MAGI1: variants seen among roughly 807,000 people sequenced by gnomAD.
The protein encoded by MAGI1 is membrane-associated guanylate kinase, WW and PDZ domain-containing protein 1.
A neutral mutation model predicts 139.9 loss-of-function variants in MAGI1; 58 were observed. The ratio of observed to expected loss-of-function variants is 0.41; its 90% confidence interval spans 0.34 to 0.52. The LOEUF is 0.52. Ranked by LOEUF, MAGI1 falls within the 20% of genes least tolerant of loss-of-function variation. The probability of loss-of-function intolerance (pLI) is 0.12; values close to 1 mark genes in which losing one functional copy is unlikely to be tolerated. For synonymous variants in MAGI1, 812 were observed against 737.9 expected, an observed-to-expected ratio of 1.10 and a Z score of -1.63; for missense variants, 1,874 against 1,901.6, an observed-to-expected ratio of 0.99 and a Z score of 0.27.
chr3:65,610,194 A>G (rs751172988), intron 2 of MAGI1, among the ~76,000 whole-genome samples: 2 of 152,192 alleles, frequency 1.3e-5, no homozygotes, highest in Non-Finnish European at 2.9e-5. Flanking sequence ...GTGGATTGGA[A>G]TGGGGTATCT....
intron 1 of MAGI1, among the ~76,000 whole-genome samples, chr3:65,691,257 C>T (rs1223141463): frequency 9.0e-5 from 13 of 144,624 alleles, no homozygotes; most frequent in African/African-American, 3.1e-4. Flanking sequence ...GAGCCGAGAT[C>T]GCGTCACTGC....
At chr3:65,869,042 C>T (rs995213424) in intron 1 of MAGI1, among the ~76,000 whole-genome samples, 1 of 151,770 alleles carries the variant, frequency 6.6e-6, no homozygotes, top group African/African-American at 2.4e-5. Flanking sequence ...CCGAGGCGGG[C>T]GGATCACGAG....
intron 12 of MAGI1, among the ~76,000 whole-genome samples, chr3:65,403,967 A>T (rs1475612884): frequency 1.3e-5 from 2 of 152,218 alleles, no homozygotes; most frequent in Non-Finnish European, 2.9e-5. Context: ...AGGTAACAAC[A>T]TAGTCTTTAA....
intron 1 of MAGI1, among the ~76,000 whole-genome samples, chr3:65,684,021 T>C (rs1157208419): frequency 6.8e-6 from 1 of 146,902 alleles, no homozygotes; most frequent in African/African-American, 2.5e-5. Flanking sequence ...AAAAAAAAAT[T>C]TAATTATCCA....
At chr3:65,747,645 A>G (rs1253308387) in intron 1 of MAGI1, among the ~76,000 whole-genome samples, 1 of 152,162 alleles carries the variant, frequency 6.6e-6, no homozygotes, top group Non-Finnish European at 1.5e-5. Context: ...TGTGGACTTC[A>G]GTTAAGTGAT....
At position 65,493,584 on chromosome 3, in the gene MAGI1, T is replaced by C. The variant is rs2107670706; in HGVS notation, c.478A>G (p.Asn160Asp). The change falls in exon 3 of 23, where the codon AAC becomes GAC. Residue 160 changes from asparagine to aspartate, a missense_variant. By Grantham distance (23) the Asn-to-Asp change is conservative. Around this residue, in one of 5 missense-constraint regions of MAGI1, gnomAD observed 648 missense variants for 598.1 expected, o/e 1.08. Transcript: ENST00000402939. ...AAGAACTCCTTCACAGTCAGAAAGT[T>C]ATAGTCCACGCCAGGCACTTCTCCT... The part of the protein sequence containing the change: ...REGEVPGVDY[N>D]FLTVKEFLDL... 6.2e-7 allele frequency: 1 copy of C among 1,614,160 alleles called. No individual in the cohort carries two copies. The highest frequency in any genetic ancestry group is 8.5e-7 in the Non-Finnish European group (1 of 1,180,024).
At chr3:65,971,691 A>G (rs1018422393) in intron 1 of MAGI1, among the ~76,000 whole-genome samples, 1 of 152,224 alleles carries the variant, frequency 6.6e-6, no homozygotes, top group Admixed American at 6.5e-5. Context: ...ACTCGGGCAC[A>G]TCATCACTTC....
intron 1 of MAGI1, chr3:65,954,340 A>AG (rs2064008768): frequency 6.6e-6 from 1 of 152,554 alleles, no homozygotes; most frequent in Non-Finnish European, 1.5e-5. Flanking sequence ...GCCAGGGCCT[A>AG]GGCAGCAGGC....
At chr3:65,684,404 T>C (rs1027684296) in intron 1 of MAGI1, among the ~76,000 whole-genome samples, 1 of 152,132 alleles carries the variant, frequency 6.6e-6, no homozygotes, top group Non-Finnish European at 1.5e-5. Context: ...ACACATATCA[T>C]GAAATACTAC....
intron 1 of MAGI1, among the ~76,000 whole-genome samples, chr3:65,759,311 C>T (rs994297793): frequency 1.3e-5 from 2 of 152,114 alleles, no homozygotes; most frequent in East Asian, 1.9e-4. Flanking sequence ...TCATTTAACC[C>T]GCCTAAGTGC....
chr3:65,781,056 C>T (rs2038889345), intron 1 of MAGI1, among the ~76,000 whole-genome samples: 1 of 152,058 alleles, frequency 6.6e-6, no homozygotes, highest in South Asian at 2.1e-4. Context: ...CTTAGCCAGG[C>T]GTTGTGGCTC....
intron 1 of MAGI1, among the ~76,000 whole-genome samples, chr3:65,755,243 C>A (rs746800429): frequency 7.9e-5 from 12 of 152,068 alleles, no homozygotes; most frequent in Non-Finnish European, 1.5e-4. Flanking sequence ...CCACCGCGCT[C>A]GGCCACAAAT....
At chr3:65,613,593 C>T (rs2083226408) in intron 2 of MAGI1, among the ~76,000 whole-genome samples, 1 of 152,118 alleles carries the variant, frequency 6.6e-6, no homozygotes, top group South Asian at 2.1e-4. Context: ...TCCAATAGGA[C>T]TCTATCCACT....
chr3:65,818,389 C>T (rs199821152), intron 1 of MAGI1, among the ~76,000 whole-genome samples: 18 of 152,270 alleles, frequency 1.2e-4, no homozygotes, highest in East Asian at 1.2e-3. Context: ...TCTAGATTTA[C>T]AGCTGAATAA....
chr3:65,865,162 A>T (rs2059678975), intron 1 of MAGI1, among the ~76,000 whole-genome samples: 1 of 152,246 alleles, frequency 6.6e-6, no homozygotes, highest in Non-Finnish European at 1.5e-5. Flanking sequence ...CTAAAAAACC[A>T]GAAGGAAACC....
Position 65,356,751 on chromosome 3 carries a change from C to T in MAGI1, c.4016G>A (p.Arg1339Lys). The T allele has an allele frequency of 6.2e-7, 1 of 1,600,264 alleles. No homozygotes were observed. The highest frequency in any genetic ancestry group is 8.5e-7 in the Non-Finnish European group (1 of 1,173,676). Residue 1339 changes from arginine (R) to lysine (K), a missense_variant, in exon 23 of 23, where the codon AGG (arginine) becomes AAG (lysine). By Grantham distance (26) the Arg-to-Lys change is conservative. This residue lies in a region of MAGI1 where 653 missense variants were observed against 644.5 expected (regional missense o/e 1.01). Coordinates refer to ENST00000402939, the MANE Select transcript of MAGI1 (RefSeq NM_001033057.2). ...TCGTCTCTTCTCGTGCTTCTCCCTCCTCTCCAAAGTGTTGTCGGCGCTGCG... is the reference window on the plus strand; with the variant it reads ...TCGTCTCTTCTCGTGCTTCTCCCTCTTCTCCAAAGTGTTGTCGGCGCTGCG... ...GTRSADNTLE[R>K]REKHEKRRDV... is the part of the protein sequence containing the mutation.
chr3:65,928,342 A>G (rs982551023), intron 1 of MAGI1, among the ~76,000 whole-genome samples: 1 of 152,214 alleles, frequency 6.6e-6, no homozygotes. Context: ...CTTAACCATT[A>G]ACTAGCACTG....
intron 1 of MAGI1, among the ~76,000 whole-genome samples, chr3:65,664,674 T>C (rs2086399997): frequency 1.3e-5 from 2 of 152,198 alleles, no homozygotes; most frequent in South Asian, 2.1e-4. Context: ...CACAGCACTT[T>C]CACGACATTT....
intron 1 of MAGI1, among the ~76,000 whole-genome samples, chr3:65,796,343 C>T (rs1577151593): frequency 6.6e-6 from 1 of 152,184 alleles, no homozygotes. Flanking sequence ...TCTATTAATA[C>T]CAATGTAAAC....
Sources: gnomAD v4.1 joint callset for allele counts (sites outside exome capture counted in the v4.1 genomes callset) on GRCh38, gnomAD v4.1.1 for gene constraint, gnomAD v4.1.1 regional missense constraint, MANE v1.5 for transcripts, NCBI Gene and HGNC (gene_info 2026-07-23, HGNC 2026-07-21) for gene names.